Variants in KCNIP4 observed in about 807,000 individuals in gnomAD.
The protein encoded by KCNIP4 is potassium voltage-gated channel interacting protein 4.
Under a neutral mutation model 34.0 loss-of-function variants are expected in KCNIP4, and 12 were observed. The observed-to-expected ratio is 0.35, with a 90% CI of 0.23 to 0.57. The LOEUF is 0.57. Among genes scored for constraint, KCNIP4 ranks in the 20% least tolerant of loss-of-function variants. The pLI, the probability that KCNIP4 is intolerant of heterozygous loss-of-function variation, is 0.83. For synonymous variants in KCNIP4, 124 were observed against 102.2 expected, an observed-to-expected ratio of 1.21 and a Z score of -1.29; for missense variants, 238 against 311.7, an observed-to-expected ratio of 0.76 and a Z score of 1.78.
Position 20,782,632 on chromosome 4 carries a change from T to G in KCNIP4, c.289-23742A>C, listed in dbSNP as rs113804759. Among the ~76,000 whole-genome samples the G allele has an allele frequency of 9.1e-3, 1,388 of 151,916 alleles. 20 individuals are homozygous for G. The highest frequency in any genetic ancestry group is 0.032 in the African/African-American group (1,323 of 41,418). The stretch of plus-strand genomic sequence containing the variant: ...AGCAGCTGGGATGCAGGGCACCAAG[T>G]CCCTAGACTACACACAGCATGGGGA... On this transcript the variant is annotated intron_variant, in intron 3 of 8. Coordinates refer to ENST00000382152, the MANE Select transcript of KCNIP4 (RefSeq NM_025221.6).
At position 21,047,789 on chromosome 4, in the gene KCNIP4, A is replaced by G. The variant is rs1742566614; in HGVS notation, c.62-165080T>C. 2.0e-5 allele frequency among the ~76,000 whole-genome samples: 3 copies of G among 152,258 alleles called. No individual in the cohort carries two copies. The South Asian group carries it at 6.2e-4, about 32-fold the overall frequency. ...AGAGCAGCTACCACATTCATTTGCT[A>G]ATAAAATCTGTCCTCCGTAGTCTGG... is the stretch of plus-strand genomic sequence containing the variant. On this transcript the variant is annotated intron_variant, in intron 1 of 8. Coordinates refer to ENST00000382152, the MANE Select transcript of KCNIP4 (RefSeq NM_025221.6).
chr4:20,912,508 C>G (rs1471275300), intron 1 of KCNIP4, among the ~76,000 whole-genome samples: 1 of 152,006 alleles, frequency 6.6e-6, no homozygotes, highest in Non-Finnish European at 1.5e-5. Flanking sequence ...CGTAAGTAAG[C>G]AAGCAACCAA....
At chr4:21,366,450 T>C (rs1042848137) in intron 1 of KCNIP4, among the ~76,000 whole-genome samples, 1 of 152,174 alleles carries the variant, frequency 6.6e-6, no homozygotes, top group Non-Finnish European at 1.5e-5. Context: ...AGGAAATTCC[T>C]GTGGTAAGAG....
rs113980598 is a variant in KCNIP4, at chr4:20,923,720, C to T, written c.62-41011G>A. 8.4e-3 allele frequency among the ~76,000 whole-genome samples: 1,271 copies of T among 152,202 alleles called. 10 individuals are homozygous for T. The highest frequency in any genetic ancestry group is 0.014 in the Non-Finnish European group (941 of 67,984). On this transcript the variant is annotated intron_variant, in intron 1 of 8. Coordinates refer to ENST00000382152, the MANE Select transcript of KCNIP4 (RefSeq NM_025221.6). ...ACAATAAGTTCAGAAGTACGTGGTC[C>T]GATTTAAGCCTTCTTGTTTGTCATG...
chr4:20,850,783 G>T (rs1720934144), intron 2 of KCNIP4, 116 bp from the exon 3 acceptor site: 1 of 1,225,992 alleles, frequency 8.2e-7, no homozygotes, highest in Non-Finnish European at 1.1e-6. Context: ...TGTCCACAGA[G>T]GAAGGACCCT....
chr4:21,882,927 C>T (rs1224971083), intron 1 of KCNIP4, among the ~76,000 whole-genome samples: 1 of 152,072 alleles, frequency 6.6e-6, no homozygotes, highest in African/African-American at 2.4e-5. Flanking sequence ...AAGAGCTCAA[C>T]AGAATGTTTT....
chr4:21,389,969 T>C (rs1259821480), intron 1 of KCNIP4, among the ~76,000 whole-genome samples: 2 of 145,760 alleles, frequency 1.4e-5, no homozygotes, highest in Admixed American at 6.9e-5. Flanking sequence ...ACCTGTTGTT[T>C]CCTGACTTTT....
intron 1 of KCNIP4, among the ~76,000 whole-genome samples, chr4:21,403,731 T>C (rs1723734021): frequency 6.6e-6 from 1 of 152,124 alleles, no homozygotes; most frequent in South Asian, 2.1e-4. Context: ...AAGTCCAAGA[T>C]CAAGGTGCAA....
Position 21,386,145 on chromosome 4 carries a change from T to C in KCNIP4, c.62-503436A>G, listed in dbSNP as rs78668726. Among the ~76,000 whole-genome samples, 332 of 152,342 alleles carry C rather than the reference T, an allele frequency of 2.2e-3. 2 individuals are homozygous for C. The highest frequency in any genetic ancestry group is 7.6e-3 in the African/African-American group (315 of 41,578). On this transcript the variant is annotated intron_variant, in intron 1 of 8. Coordinates refer to ENST00000382152, the MANE Select transcript of KCNIP4 (RefSeq NM_025221.6). ...TAACTTTTCAGAACCTTGTGGTTTGTATGCAATTGCATTTTTCATTATGTT... is the reference window on the plus strand; with the variant it reads ...TAACTTTTCAGAACCTTGTGGTTTGCATGCAATTGCATTTTTCATTATGTT...
At chr4:21,322,911 T>C in intron 1 of KCNIP4, among the ~76,000 whole-genome samples, 1 of 152,076 alleles carries the variant, frequency 6.6e-6, no homozygotes, top group Admixed American at 6.6e-5. Context: ...TTCCATTATA[T>C]CTAACAGCAA....
At chr4:21,877,765 C>G (rs2109377817) in intron 1 of KCNIP4, among the ~76,000 whole-genome samples, 1 of 152,298 alleles carries the variant, frequency 6.6e-6, no homozygotes, top group East Asian at 1.9e-4. Context: ...CAGGTGTTCT[C>G]TAGTCCTGCT....
At chr4:21,287,435 T>C (rs961866569) in intron 1 of KCNIP4, among the ~76,000 whole-genome samples, 1 of 152,204 alleles carries the variant, frequency 6.6e-6, no homozygotes, top group African/African-American at 2.4e-5. Flanking sequence ...ATGAGTATTA[T>C]AATGATACAG....
chr4:21,609,761 T>C (rs941700246), intron 1 of KCNIP4, among the ~76,000 whole-genome samples: 4 of 152,190 alleles, frequency 2.6e-5, no homozygotes, highest in African/African-American at 7.2e-5. Flanking sequence ...GACTACAAAC[T>C]GATAGGAGAG....
intron 2 of KCNIP4, among the ~76,000 whole-genome samples, chr4:20,881,708 C>T (rs1228030441): frequency 1.3e-5 from 2 of 152,156 alleles, no homozygotes; most frequent in Non-Finnish European, 2.9e-5. Flanking sequence ...TTGTCAAGTT[C>T]GGCAGGCTAT....
intron 1 of KCNIP4, among the ~76,000 whole-genome samples, chr4:21,633,125 C>A (rs1039588078): frequency 6.6e-6 from 1 of 152,110 alleles, no homozygotes; most frequent in African/African-American, 2.4e-5. Context: ...TCACAAAAAT[C>A]TTCTAAAGTT....
chr4:21,008,634 C>T (rs961810390), intron 1 of KCNIP4, among the ~76,000 whole-genome samples: 1 of 151,924 alleles, frequency 6.6e-6, no homozygotes, highest in Non-Finnish European at 1.5e-5. Flanking sequence ...CGCCATTCTC[C>T]TGCCTCAGCC....
intron 1 of KCNIP4, among the ~76,000 whole-genome samples, chr4:21,546,669 T>G (rs1236892943): frequency 6.6e-6 from 1 of 152,298 alleles, no homozygotes. Context: ...TTCTTATGTC[T>G]TCCTTCCATG....
intron 1 of KCNIP4, among the ~76,000 whole-genome samples, chr4:21,393,398 G>A (rs1722720141): frequency 6.6e-6 from 1 of 151,956 alleles, no homozygotes; most frequent in African/African-American, 2.4e-5. Flanking sequence ...TTGACAGTAG[G>A]GAAGCAAAGA....
At chr4:21,809,942 T>C (rs1721525127) in intron 1 of KCNIP4, among the ~76,000 whole-genome samples, 1 of 152,332 alleles carries the variant, frequency 6.6e-6, no homozygotes, top group African/African-American at 2.4e-5. Context: ...CCAATTATCA[T>C]GAAGATCATG....
Sources: gnomAD v4.1 joint callset for allele counts (sites outside exome capture counted in the v4.1 genomes callset) on GRCh38, gnomAD v4.1.1 for gene constraint, MANE v1.5 for transcripts, NCBI Gene and HGNC (gene_info 2026-07-23, HGNC 2026-07-21) for gene names.